TRIP13: variants seen among roughly 807,000 people sequenced by gnomAD.
The protein encoded by TRIP13 is pachytene checkpoint protein 2 homolog.
In TRIP13, 25 loss-of-function variants were observed where a neutral mutation model predicts 54.4. That is an observed-to-expected ratio of 0.46 (90% CI 0.33 to 0.64). TRIP13 has a LOEUF of 0.64. TRIP13 is among the 30% of genes least tolerant of loss of function. The probability of loss-of-function intolerance (pLI) is 0.02; values close to 1 mark genes in which losing one functional copy is unlikely to be tolerated. For synonymous variants in TRIP13, 207 were observed against 207.8 expected (o/e 1.00, Z 0.03); for missense variants, 373 against 534.2 (o/e 0.70, Z 2.97).
chr5:896,246 T>A (rs1480852818), intron 2 of TRIP13, among the ~76,000 whole-genome samples: 1 of 152,172 alleles, frequency 6.6e-6, no homozygotes, highest in African/African-American at 2.4e-5. Flanking sequence ...TCCAGGAATT[T>A]AATGTTGCTG....
Position 914,195 on chromosome 5 carries a change from G to A in TRIP13, c.1021-270G>A, listed in dbSNP as rs533007432. 9.9e-5 allele frequency among the ~76,000 whole-genome samples: 15 copies of A among 152,282 alleles called. No individual in the cohort carries two copies. In the East Asian group the frequency reaches 1.7e-3, roughly 18 times the overall value. On this transcript the variant is annotated intron_variant, in intron 10 of 12. Coordinates refer to ENST00000166345, the MANE Select transcript of TRIP13 (RefSeq NM_004237.4). ...ACACAGGGAGGAAAAGTTTTGGCTC[G>A]AAACACAGAAGAGGCTATGTTGCTA...
chr5:900,682 C>A, intron 4 of TRIP13, 133 bp downstream of exon 4: 2 of 823,236 alleles, frequency 2.4e-6, no homozygotes, highest in Non-Finnish European at 3.8e-6. Flanking sequence ...CAGCCCTTGT[C>A]CTGGACATCT....
In TRIP13 at chr5:911,672, G is replaced by A. The variant is rs112003300; in HGVS notation, c.867-171G>A. ...AATTCCCAGAAGGCCAAGGAGCAGCGAGAGCAAAGGCTGGGGGGTCTGCGT... is the reference window on the plus strand; with the variant it reads ...AATTCCCAGAAGGCCAAGGAGCAGCAAGAGCAAAGGCTGGGGGGTCTGCGT... On this transcript the variant is annotated intron_variant, in intron 9 of 12. Transcript: ENST00000166345. This position sits in a 1 kb window ranked among gnomAD's most constrained non-coding sequence, Gnocchi z 4.7. 7.9e-5 allele frequency among the ~76,000 whole-genome samples: 12 copies of A among 152,176 alleles called. No homozygotes were observed. The highest frequency in any genetic ancestry group is 2.1e-4 in the South Asian group (1 of 4,832).
rs1753888662 is a variant in TRIP13 at position 895,174 on chromosome 5, G to C, written c.258+222G>C. Among the ~76,000 whole-genome samples the C allele has an allele frequency of 2.6e-5, 4 of 152,208 alleles. No individual in the cohort carries two copies. The South Asian group carries it at 8.3e-4, about 32-fold the overall frequency. On this transcript the variant is annotated intron_variant, in intron 2 of 12. Coordinates refer to ENST00000166345, the MANE Select transcript of TRIP13 (RefSeq NM_004237.4). The stretch of plus-strand genomic sequence containing the variant: ...CTCTCAGTATAGCAGTAACAGATTG[G>C]AAACCAGGAATGAGAATGCAGTGCT...
chr5:901,050 TAAAC>T (rs751334766), intron 4 of TRIP13, among the ~76,000 whole-genome samples: 5 of 152,262 alleles, frequency 3.3e-5, no homozygotes, highest in East Asian at 1.9e-4. Flanking sequence ...CATTACTTGA[TAAAC>T]AAACCCCTTA....
intron 9 of TRIP13, among the ~76,000 whole-genome samples, chr5:910,462 G>A (rs1173117996): frequency 1.3e-5 from 2 of 152,230 alleles, no homozygotes; most frequent in Non-Finnish European, 2.9e-5. Flanking sequence ...AGATGCCCGG[G>A]ATGCCAGGCA....
intron 4 of TRIP13, among the ~76,000 whole-genome samples, chr5:901,066 T>A (rs914351537): frequency 2.6e-5 from 4 of 152,204 alleles, no homozygotes; most frequent in Non-Finnish European, 4.4e-5. Flanking sequence ...AACCCCTTAG[T>A]GGTTTTGTTT....
intron 6 of TRIP13, among the ~76,000 whole-genome samples, chr5:906,437 C>G (rs985971121): frequency 6.6e-6 from 1 of 152,194 alleles, no homozygotes; most frequent in Non-Finnish European, 1.5e-5. Context: ...CTGTATCCCT[C>G]CACTGTTTTA....
intron 4 of TRIP13, 143 bp downstream of exon 4, chr5:900,692 T>A: frequency 1.4e-6 from 1 of 734,980 alleles, no homozygotes; most frequent in Non-Finnish European, 2.2e-6. Context: ...CCTGGACATC[T>A]ATCCTCTAGT....
chr5:914,712 T>C lies in TRIP13; in HGVS notation c.1133+135T>C, dbSNP rs1233817232. ...AACACAGTATAGGTATGAACATGCA[T>C]GTACACACGTGTGTGTGTGTGTGTG... On this transcript the variant is annotated intron_variant, in intron 11 of 12. Coordinates refer to ENST00000166345, the MANE Select transcript of TRIP13 (RefSeq NM_004237.4). The C allele has an allele frequency of 7.4e-6, 5 of 674,478 alleles. 1 individual carries two copies. The highest frequency in any genetic ancestry group is 5.2e-5 in the East Asian group (2 of 38,702). The allele number at this position is 674,478 out of a possible 1,614,324, so 41.8% of individuals were successfully genotyped here.
intron 5 of TRIP13, among the ~76,000 whole-genome samples, chr5:901,674 C>T (rs992676509): frequency 1.3e-5 from 2 of 152,178 alleles, no homozygotes; most frequent in African/African-American, 4.8e-5. Flanking sequence ...TGCAGTGGCC[C>T]GATCTCGGCT....
At chr5:919,048 A>G (rs1481160524), downstream of TRIP13, 2 of 152,272 alleles carry the variant, frequency 1.3e-5, no homozygotes, top group Non-Finnish European at 2.9e-5. Flanking sequence ...GACAAAAGGT[A>G]CAATATTCTT....
In TRIP13 at chr5:893,214, C is replaced by T. The variant is rs534892807; in HGVS notation, c.92+124C>T. 8.3e-6 allele frequency: 8 copies of T among 966,320 alleles called. No individual in the cohort carries two copies. In the South Asian group the frequency reaches 1.3e-4, roughly 16 times the overall value. The allele number at this position is 966,320 out of a possible 1,614,324, so 59.9% of individuals were successfully genotyped here. A position where few individuals can be genotyped will look rare whatever the true frequency, so the allele number is the denominator to read the frequency against. On this transcript the variant is annotated intron_variant, in intron 1 of 12. Coordinates refer to ENST00000166345, the MANE Select transcript of TRIP13 (RefSeq NM_004237.4). ...CCGAACCCCAGGGTACTGATCCGGCCCGACTGGACCCGGGCGCACAGGCCG... is the reference window on the plus strand; with the variant it reads ...CCGAACCCCAGGGTACTGATCCGGCTCGACTGGACCCGGGCGCACAGGCCG...
intron 5 of TRIP13, among the ~76,000 whole-genome samples, chr5:903,760 A>G (rs1030596492): frequency 4.6e-5 from 7 of 152,282 alleles, no homozygotes; most frequent in Non-Finnish European, 1.0e-4. Flanking sequence ...TGATCTCTGA[A>G]AGGTGCCTTG....
intron 1 of TRIP13, among the ~76,000 whole-genome samples, chr5:894,083 G>A (rs1005281395): frequency 1.3e-5 from 2 of 152,178 alleles, no homozygotes; most frequent in East Asian, 3.9e-4. Context: ...TATGCATGGT[G>A]GTCGCTGCTT....
intron 6 of TRIP13, among the ~76,000 whole-genome samples, chr5:905,640 C>G (rs1754100000): frequency 6.6e-6 from 1 of 152,192 alleles, no homozygotes; most frequent in Non-Finnish European, 1.5e-5. Context: ...AGTCCCAGCC[C>G]TCACTGCCCT....
rs1407733287 is a variant in TRIP13, at chr5:907,643, G to A, written c.673-345G>A. Among the ~76,000 whole-genome samples the A allele has an allele frequency of 6.6e-6, 1 of 152,218 alleles. No homozygotes were observed. Among genetic ancestry groups the A allele is most frequent in the African/African-American group, 2.4e-5 (1 of 41,456 alleles). On this transcript the variant is annotated intron_variant, in intron 7 of 12. Transcript: ENST00000166345. This position sits in a 1 kb window ranked among gnomAD's most constrained non-coding sequence, Gnocchi z 4.1. ...ACGCTGGGCACAGGAGAGCCTGTGA[G>A]GAGTGCATCCCAGCCTGTTTGCATC...
intron 3 of TRIP13, among the ~76,000 whole-genome samples, chr5:900,117 G>T (rs1360768885): frequency 6.6e-6 from 1 of 152,188 alleles, no homozygotes; most frequent in African/African-American, 2.4e-5. Context: ...ATAGTTTAAT[G>T]AAAACATATT....
At position 908,402 on chromosome 5, in the gene TRIP13, G is replaced by A. The variant is rs1027199822; in HGVS notation, c.807G>A (p.Glu269=). Residue 269 remains glutamate, a synonymous_variant, in exon 9 of 13, where the codon GAG becomes GAA. Coordinates refer to ENST00000166345, the MANE Select transcript of TRIP13 (RefSeq NM_004237.4). The surrounding 1 kb of genome is among the most constrained non-coding windows in gnomAD (Gnocchi z 5.2). ...GAAATGCCTGCAGGGCGGGCACCGA[G>A]CCATCAGATGCCATCCGCGTGGTCA... is the stretch of plus-strand genomic sequence containing the variant. ...AARNACRAGT[E]PSDAIRVVNA... 37 of 1,613,380 alleles carry A rather than the reference G, an allele frequency of 2.3e-5. No individual in the cohort carries two copies. The highest frequency in any genetic ancestry group is 2.7e-5 in the Non-Finnish European group (32 of 1,180,044).
Sources: allele counts gnomAD v4.1 joint callset (sites outside exome capture counted in the v4.1 genomes callset), GRCh38; gene constraint gnomAD v4.1.1; non-coding constraint Gnocchi (gnomAD v3.1); transcripts MANE v1.5; gene names NCBI Gene and HGNC (gene_info 2026-07-23, HGNC 2026-07-21).